Variants in TFAP2E observed in about 807,000 individuals in gnomAD.
TFAP2E encodes the protein transcription factor AP-2 epsilon, also known as transcription factor AP-2-epsilon.
Under a neutral mutation model 37.9 loss-of-function variants are expected in TFAP2E, and 30 were observed. That is an observed-to-expected ratio of 0.79 (90% confidence interval 0.59 to 1.07). The LOEUF (loss-of-function observed/expected upper bound fraction) is 1.07. Among genes scored for constraint, TFAP2E ranks in the 50% least tolerant of loss-of-function variants. The probability of loss-of-function intolerance (pLI) is 0.00; values close to 1 mark genes in which losing one functional copy is unlikely to be tolerated. For missense variants in TFAP2E, 567 were observed against 637.9 expected (o/e 0.89, Z 1.20); for synonymous variants, 318 against 295.8 (o/e 1.08, Z -0.77).
chr1:35,587,653 A>AAAAAAAAAAAAAAAAG (rs796133136), intron 3 of TFAP2E, among the ~76,000 whole-genome samples: 1 of 147,722 alleles, frequency 6.8e-6, no homozygotes, highest in East Asian at 2.0e-4. Context: ...AAAAAAAAAA[A>AAAAAAAAAAAAAAAAG]AAAGAAAGAA....
At chr1:35,578,251 C>G (rs1428130938) in intron 3 of TFAP2E, among the ~76,000 whole-genome samples, 1 of 152,034 alleles carries the variant, frequency 6.6e-6, no homozygotes, top group Non-Finnish European at 1.5e-5. Context: ...GTGGAAAAGC[C>G]AGACAGGTTA....
chr1:35,574,275 CT>C lies in TFAP2E; in HGVS notation c.378del (p.Asp127ThrfsTer51). ...GGCACCGCCCGCCCGCGCCCTGGGCCTTGACCCGCGCCGTGACTATGCCACT... is the reference window on the plus strand; with the variant it reads ...GGCACCGCCCGCCCGCGCCCTGGGCCTGACCCGCGCCGTGACTATGCCACT... Reference protein sequence around the residue: ...LLAPPARALGLDPRRDYATAV... With the variant: ...LLAPPARALGXDPRRDYATAV... On this transcript the variant is annotated frameshift_variant, in exon 2 of 7. Transcript: ENST00000373235. LOFTEE classifies it high-confidence loss of function. 7.1e-7 allele frequency: 1 copy of C among 1,408,492 alleles called. No homozygotes were observed. Among genetic ancestry groups the C allele is most frequent in the Non-Finnish European group, 9.2e-7 (1 of 1,081,820 alleles). 87.2% of individuals were successfully genotyped at this position (1,408,492 alleles called of 1,614,324 possible).
intron 3 of TFAP2E, among the ~76,000 whole-genome samples, chr1:35,579,940 C>T (rs147535919): frequency 0.016 from 2,386 of 152,098 alleles, 66 homozygotes; most frequent in African/African-American, 0.055. Flanking sequence ...GGCGCAGTGG[C>T]TTATGCCTGT....
intron 3 of TFAP2E, among the ~76,000 whole-genome samples, chr1:35,579,339 T>G (rs894224095): frequency 4.0e-5 from 6 of 150,418 alleles, no homozygotes; most frequent in African/African-American, 1.5e-4. Flanking sequence ...GAGGTTGCAG[T>G]GAACCAAGAT....
intron 6 of TFAP2E, among the ~76,000 whole-genome samples, chr1:35,591,061 G>A (rs555129034): frequency 4.6e-5 from 7 of 152,200 alleles, no homozygotes; most frequent in African/African-American, 7.2e-5. Flanking sequence ...ACGTACCTGC[G>A]GCCCATGTGG....
intron 3 of TFAP2E, among the ~76,000 whole-genome samples, chr1:35,580,754 G>A (rs142308702): frequency 0.038 from 5,745 of 151,522 alleles, 154 homozygotes; most frequent in Middle Eastern, 0.071. Context: ...CAGCCTGGGC[G>A]ACAGAGCGAG....
Position 35,590,505 on chromosome 1 carries a change from G to A in TFAP2E, c.905-129G>A, listed in dbSNP as rs528968920. On this transcript the variant is annotated intron_variant, in intron 5 of 6. Transcript: ENST00000373235. The surrounding 1 kb of genome is among the most constrained non-coding windows in gnomAD (Gnocchi z 6.2). Reference sequence around the variant, plus strand: ...TGGGGGCTGGAGCTGGGCTGGGAAGGAACATCAGAGGGGGCATCTACACAG... The same window carrying A: ...TGGGGGCTGGAGCTGGGCTGGGAAGAAACATCAGAGGGGGCATCTACACAG... 558 of 1,138,684 alleles carry A rather than the reference G, an allele frequency of 4.9e-4. No homozygotes were observed. The highest frequency in any genetic ancestry group is 3.9e-3 in the South Asian group (146 of 37,752). The allele number at this position is 1,138,684 out of a possible 1,614,324, so 70.5% of individuals were successfully genotyped here. A position where few individuals can be genotyped will look rare whatever the true frequency, so the allele number is the denominator to read the frequency against.
Position 35,577,562 on chromosome 1 carries a change from C to G in TFAP2E, c.562+2562C>G. ...TCCCTACAGTGCCTCCCAGCCTGGG[C>G]GGGAGCGGCGGCTGCGTCGCTGAAG... On this transcript the variant is annotated intron_variant, in intron 3 of 6. Coordinates refer to ENST00000373235, the MANE Select transcript of TFAP2E (RefSeq NM_178548.4). This position sits in a 1 kb window ranked among gnomAD's most constrained non-coding sequence, Gnocchi z 6.3. 1 of 388,084 alleles carries G rather than the reference C, an allele frequency of 2.6e-6. No homozygotes were observed. The highest frequency in any genetic ancestry group is 1.7e-5 in the South Asian group (1 of 57,594). The allele number at this position is 388,084 out of a possible 1,614,324, so 24.0% of individuals were successfully genotyped here.
intron 3 of TFAP2E, among the ~76,000 whole-genome samples, chr1:35,576,881 C>A (rs1051926703): frequency 6.6e-6 from 1 of 152,068 alleles, no homozygotes; most frequent in Non-Finnish European, 1.5e-5. Flanking sequence ...CGCGGACTCA[C>A]GTGCACAACC....
chr1:35,574,471 G>A, intron 2 of TFAP2E, 62 bp downstream of exon 2: 4 of 1,355,308 alleles, frequency 3.0e-6, no homozygotes, highest in Non-Finnish European at 3.8e-6. Context: ...ACCATGGCTG[G>A]AGGCAGAAGG....
In TFAP2E at chr1:35,573,845, T is replaced by A. The variant is rs1649082254; in HGVS notation, c.28-82T>A. 2 of 1,392,218 alleles carry A rather than the reference T, an allele frequency of 1.4e-6. No individual in the cohort carries two copies. Among genetic ancestry groups the A allele is most frequent in the African/African-American group, 1.5e-5 (1 of 65,644 alleles). 86.2% of individuals were successfully genotyped at this position (1,392,218 alleles called of 1,614,324 possible). On this transcript the variant is annotated intron_variant, in intron 1 of 6. Coordinates refer to ENST00000373235, the MANE Select transcript of TFAP2E (RefSeq NM_178548.4). This position sits in a 1 kb window ranked among gnomAD's most constrained non-coding sequence, Gnocchi z 5.9. ...AACGGGAGGGACTGCAGCTGAACCC[T>A]CCCGAGCTGAGGAGGATCCTTTCAG... is the stretch of plus-strand genomic sequence containing the variant.
At chr1:35,587,892 G>A (rs752221770) in intron 3 of TFAP2E, among the ~76,000 whole-genome samples, 1 of 152,242 alleles carries the variant, frequency 6.6e-6, no homozygotes, top group Non-Finnish European at 1.5e-5. Context: ...CGATGCAGGG[G>A]TGAGGTGGGG....
In TFAP2E at chr1:35,577,842, C is replaced by G; in HGVS notation, c.562+2842C>G. The G allele has an allele frequency of 5.1e-6, 1 of 196,008 alleles. No homozygotes were observed. Among genetic ancestry groups the G allele is most frequent in the South Asian group, 7.7e-5 (1 of 12,908 alleles). 12.1% of individuals were successfully genotyped at this position (196,008 alleles called of 1,614,324 possible). ...CCGGGTCCCATGCCAGTTGCATCCG[C>G]GGTATTGGGCAGGAAATGGCAGGGC... On this transcript the variant is annotated intron_variant, in intron 3 of 6. Transcript: ENST00000373235. The surrounding 1 kb of genome is among the most constrained non-coding windows in gnomAD (Gnocchi z 6.3).
At chr1:35,591,177 C>T (rs1438936045) in intron 6 of TFAP2E, among the ~76,000 whole-genome samples, 3 of 152,170 alleles carry the variant, frequency 2.0e-5, no homozygotes, top group African/African-American at 7.2e-5. Flanking sequence ...ATTTGGGCAT[C>T]ATGTTTATCA....
chr1:35,573,562 C>G lies in TFAP2E; in HGVS notation c.-16C>G, dbSNP rs376654065. The G allele has an allele frequency of 9.7e-5, 148 of 1,524,584 alleles. 2 individuals are homozygous for G. In the South Asian group the frequency reaches 1.6e-3, roughly 17 times the overall value. The allele number at this position is 1,524,584 out of a possible 1,614,324, so 94.4% of individuals were successfully genotyped here. Reference sequence around the variant, plus strand: ...CTCCGCCGCCGCCACGCCTCGCGCCCGGCACTCACCGCCCCATGCTGGTGC... The same window carrying G: ...CTCCGCCGCCGCCACGCCTCGCGCCGGGCACTCACCGCCCCATGCTGGTGC... On this transcript the variant is annotated 5_prime_UTR_variant, in exon 1 of 7. Coordinates refer to ENST00000373235, the MANE Select transcript of TFAP2E (RefSeq NM_178548.4). This position sits in a 1 kb window ranked among gnomAD's most constrained non-coding sequence, Gnocchi z 5.9.
In TFAP2E at chr1:35,590,638, G is replaced by A; in HGVS notation, c.909G>A (p.Glu303=). 6.7e-7 allele frequency: 1 copy of A among 1,496,878 alleles called. No homozygotes were observed. The highest frequency in any genetic ancestry group is 9.0e-7 in the Non-Finnish European group (1 of 1,110,826). 92.7% of individuals were successfully genotyped at this position (1,496,878 alleles called of 1,614,324 possible). ...TGACAGCTCCCCTCCCCCCAGGAGAGGCCGTGCACCTGGCCCGAGACTTCG... is the reference window on the plus strand; with the variant it reads ...TGACAGCTCCCCTCCCCCCAGGAGAAGCCGTGCACCTGGCCCGAGACTTCG... ...VTLLTSLVEG[E]AVHLARDFGY... is the part of the protein sequence containing the mutation. The change falls in exon 6 of 7, where the codon GAG becomes GAA. Residue 303 remains glutamate, a synonymous_variant. Transcript: ENST00000373235. This position sits in a 1 kb window ranked among gnomAD's most constrained non-coding sequence, Gnocchi z 6.2.
At chr1:35,580,264 C>G (rs190461897) in intron 3 of TFAP2E, among the ~76,000 whole-genome samples, 2 of 152,036 alleles carry the variant, frequency 1.3e-5, no homozygotes, top group African/African-American at 4.8e-5. Flanking sequence ...GAAACTTAAT[C>G]GGCAGGTCCC....
chr1:35,584,766 G>A (rs566541956), intron 3 of TFAP2E, among the ~76,000 whole-genome samples: 38 of 152,018 alleles, frequency 2.5e-4, no homozygotes, highest in African/African-American at 8.4e-4. Context: ...TTGAACTCCT[G>A]GGCTCAATCC....
At chr1:35,574,533 G>A in intron 2 of TFAP2E, 124 bp downstream of exon 2, 1 of 1,332,220 alleles carries the variant, frequency 7.5e-7, no homozygotes, top group Non-Finnish European at 9.7e-7. Flanking sequence ...TCTCACTGGT[G>A]ACTCCGAGGA....
Sources: allele counts gnomAD v4.1 joint callset (sites outside exome capture counted in the v4.1 genomes callset), GRCh38; gene constraint gnomAD v4.1.1; non-coding constraint Gnocchi (gnomAD v3.1); transcripts MANE v1.5; gene names NCBI Gene and HGNC (gene_info 2026-07-23, HGNC 2026-07-21).